The following RGS7 variants were observed in gnomAD, a reference collection of about 807,000 sequenced individuals.
RGS7 encodes the protein regulator of G-protein signaling 7.
A neutral mutation model predicts 81.1 loss-of-function variants in RGS7; 27 were observed. The ratio of observed to expected loss-of-function variants is 0.33; its 90% confidence interval spans 0.25 to 0.46. RGS7 has a LOEUF of 0.46. RGS7 is among the 20% of genes least tolerant of loss of function. The probability of loss-of-function intolerance (pLI) is 1.00; values close to 1 mark genes in which losing one functional copy is unlikely to be tolerated. For missense variants in RGS7, 396 were observed against 607.4 expected, an observed-to-expected ratio of 0.65 and a Z score of 3.66; for synonymous variants, 208 against 207.7, an observed-to-expected ratio of 1.00 and a Z score of -0.01.
rs572889491 is a variant in RGS7 at position 240,894,731 on chromosome 1, T to C, written c.386-24612A>G. Among the ~76,000 whole-genome samples the C allele has an allele frequency of 1.5e-4, 23 of 152,312 alleles. No homozygotes were observed. The East Asian group carries it at 4.2e-3, about 28-fold the overall frequency. ...TCTAAAAATATTATTTAGATTATTCTAATATAAATTTCTTGTCAATCTGTT... is the reference window on the plus strand; with the variant it reads ...TCTAAAAATATTATTTAGATTATTCCAATATAAATTTCTTGTCAATCTGTT... On this transcript the variant is annotated intron_variant, in intron 6 of 18. Transcript: ENST00000440928.
intron 3 of RGS7, among the ~76,000 whole-genome samples, chr1:241,002,015 G>A (rs191620122): frequency 1.8e-4 from 28 of 152,230 alleles, no homozygotes; most frequent in African/African-American, 3.6e-4. Flanking sequence ...TCACTGAACC[G>A]TAACAAATGT....
chr1:241,248,866 C>G (rs1313625860), intron 2 of RGS7, among the ~76,000 whole-genome samples: 3 of 152,166 alleles, frequency 2.0e-5, no homozygotes, highest in Admixed American at 6.5e-5. Context: ...CCACAAGGCT[C>G]AAGCTTATCA....
At chr1:240,942,030 G>A (rs1677675975) in intron 4 of RGS7, among the ~76,000 whole-genome samples, 1 of 152,000 alleles carries the variant, frequency 6.6e-6, no homozygotes, top group Non-Finnish European at 1.5e-5. Context: ...CAAGCCATGA[G>A]CAAGCTGAGA....
intron 18 of RGS7, among the ~76,000 whole-genome samples, chr1:240,784,828 G>A (rs1312529287): frequency 6.6e-6 from 1 of 151,876 alleles, no homozygotes; most frequent in Non-Finnish European, 1.5e-5. Flanking sequence ...AGGCACTGGG[G>A]ATAAGAAAGG....
At chr1:241,079,751 G>A (rs956696490) in intron 3 of RGS7, among the ~76,000 whole-genome samples, 1 of 151,908 alleles carries the variant, frequency 6.6e-6, no homozygotes, top group Non-Finnish European at 1.5e-5. Flanking sequence ...AAACACATCC[G>A]GACTAGCAAT....
intron 2 of RGS7, among the ~76,000 whole-genome samples, chr1:241,306,959 T>C (rs1024751117): frequency 2.6e-5 from 4 of 152,248 alleles, no homozygotes; most frequent in African/African-American, 9.6e-5. Flanking sequence ...GGTAATGAGA[T>C]AGTTTGCAAG....
At chr1:241,004,278 A>C (rs1057057128) in intron 3 of RGS7, among the ~76,000 whole-genome samples, 10 of 152,116 alleles carry the variant, frequency 6.6e-5, no homozygotes, top group African/African-American at 2.4e-4. Flanking sequence ...CTGCTTGGTA[A>C]TTCATTTTCC....
chr1:240,875,192 C>T (rs1181176970), intron 6 of RGS7, among the ~76,000 whole-genome samples: 3 of 152,184 alleles, frequency 2.0e-5, no homozygotes, highest in African/African-American at 7.2e-5. Context: ...ATATCTGCCC[C>T]CACTGCCCCC....
At chr1:241,211,280 C>T (rs574847336) in intron 2 of RGS7, among the ~76,000 whole-genome samples, 14 of 152,266 alleles carry the variant, frequency 9.2e-5, no homozygotes, top group South Asian at 8.3e-4. Context: ...ATTCACTAGG[C>T]TATCCCCTGC....
At chr1:241,094,278 G>C (rs942690984) in intron 3 of RGS7, among the ~76,000 whole-genome samples, 22 of 135,152 alleles carry the variant, frequency 1.6e-4, no homozygotes, top group Non-Finnish European at 2.5e-4. Context: ...CACACACACA[G>C]AGTCACACAC....
chr1:240,781,215 C>T (rs1407780503), intron 18 of RGS7, among the ~76,000 whole-genome samples: 1 of 152,138 alleles, frequency 6.6e-6, no homozygotes, highest in African/African-American at 2.4e-5. Flanking sequence ...CATAGCAGCC[C>T]AGAGAGAAAT....
At chr1:241,277,090 C>G (rs144502043) in intron 2 of RGS7, among the ~76,000 whole-genome samples, 3 of 152,294 alleles carry the variant, frequency 2.0e-5, no homozygotes, top group East Asian at 3.9e-4. Flanking sequence ...TTCCAGATCA[C>G]TCCTGTTAGC....
intron 2 of RGS7, among the ~76,000 whole-genome samples, chr1:241,233,432 C>T (rs2075771807): frequency 6.6e-6 from 1 of 152,226 alleles, no homozygotes; most frequent in Non-Finnish European, 1.5e-5. Context: ...TCTCTATCTT[C>T]ATGAGATCCA....
At chr1:240,940,486 G>A (rs1223311230) in intron 4 of RGS7, among the ~76,000 whole-genome samples, 1 of 152,170 alleles carries the variant, frequency 6.6e-6, no homozygotes, top group African/African-American at 2.4e-5. Context: ...TTTGTAGGTG[G>A]CCCATCTGTC....
rs563326281 is a variant in RGS7, at chr1:240,782,748, TTTTAAAGTC to T, written c.*7-6544_*7-6536del. Among the ~76,000 whole-genome samples the T allele has an allele frequency of 3.1e-4, 47 of 152,256 alleles. No individual in the cohort carries two copies. In the East Asian group the frequency reaches 6.6e-3, roughly 21 times the overall value. On this transcript the variant is annotated intron_variant, in intron 18 of 18. Coordinates refer to ENST00000440928, the MANE Select transcript of RGS7 (RefSeq NM_001364886.1). Reference sequence around the variant, plus strand: ...AATATGAGACATTTTTATAGCTAAGTTTTAAAGTCTTAATTCCAGAAATGAAAAGGGCTA... The same window carrying T: ...AATATGAGACATTTTTATAGCTAAGTTTAATTCCAGAAATGAAAAGGGCTA...
At chr1:240,933,178 G>A (rs947930916) in intron 5 of RGS7, among the ~76,000 whole-genome samples, 6 of 151,656 alleles carry the variant, frequency 4.0e-5, no homozygotes, top group Admixed American at 6.6e-5. Context: ...CACCGCGCCC[G>A]GCCGGTGTTA....
chr1:240,940,034 CA>C (rs1405669911), intron 4 of RGS7, among the ~76,000 whole-genome samples: 1 of 152,086 alleles, frequency 6.6e-6, no homozygotes, highest in Non-Finnish European at 1.5e-5. Flanking sequence ...TAGCAGAGAT[CA>C]CGCCACTGCA....
rs142375402 is a variant in RGS7, at chr1:241,344,040, A to T, written c.78+11659T>A. On this transcript the variant is annotated intron_variant, in intron 2 of 18. Transcript: ENST00000440928. ...CCTTTATCTTCTTTAAAAGTGCCTT[A>T]TGTACAAACTAAAAAAATTTATATC... 2.0e-5 allele frequency among the ~76,000 whole-genome samples: 3 copies of T among 152,294 alleles called. No homozygotes were observed. The South Asian group carries it at 6.2e-4, about 32-fold the overall frequency.
intron 18 of RGS7, among the ~76,000 whole-genome samples, chr1:240,788,432 G>C (rs1184706004): frequency 6.6e-6 from 1 of 152,236 alleles, no homozygotes; most frequent in Non-Finnish European, 1.5e-5. Context: ...AAAGTGAAGA[G>C]CATTGGTACA....
Sources: allele counts gnomAD v4.1 joint callset (sites outside exome capture counted in the v4.1 genomes callset), GRCh38; gene constraint gnomAD v4.1.1; transcripts MANE v1.5; gene names NCBI Gene and HGNC (gene_info 2026-07-23, HGNC 2026-07-21).